Variants in PLPPR4 observed in about 807,000 individuals in gnomAD.
PLPPR4 encodes the protein phospholipid phosphatase related 4.
In PLPPR4, 24 loss-of-function variants were observed where a neutral mutation model predicts 56.6. That is an observed-to-expected ratio of 0.42 (90% CI 0.31 to 0.60). The LOEUF is 0.60. Among genes scored for constraint, PLPPR4 ranks in the 20% least tolerant of loss-of-function variants. The pLI is 0.13. For missense variants in PLPPR4, 654 were observed against 885.8 expected, an observed-to-expected ratio of 0.74 and a Z score of 3.32; for synonymous variants, 326 against 328.1, an observed-to-expected ratio of 0.99 and a Z score of 0.07.
Position 99,301,822 on chromosome 1 carries a change from G to A in PLPPR4, c.747G>A (p.Arg249=), listed in dbSNP as rs141745500. ...GTGGAATAATCTGCGGGCTAACACG[G>A]ATAACTCAGTATAAGAACCACCCAG... The part of the protein sequence containing the change: ...IICGIICGLT[R]ITQYKNHPVD... Residue 249 remains arginine, a synonymous_variant, in exon 6 of 7, where the codon CGG becomes CGA. Coordinates refer to ENST00000370185, the MANE Select transcript of PLPPR4 (RefSeq NM_014839.5). 43 of 1,612,688 alleles carry A rather than the reference G, an allele frequency of 2.7e-5. No homozygotes were observed. The African/African-American group carries it at 5.2e-4, about 20-fold the overall frequency.
chr1:99,307,225 A>T lies in PLPPR4; in HGVS notation c.*215A>T. ...GCAAGAACCTAACTAACGTGATGAT[A>T]TGAAGAGTTTTCTTAAGACCTGTCG... On this transcript the variant is annotated 3_prime_UTR_variant, in exon 7 of 7. Coordinates refer to ENST00000370185, the MANE Select transcript of PLPPR4 (RefSeq NM_014839.5). The T allele has an allele frequency of 5.6e-6, 3 of 533,704 alleles. No homozygotes were observed. The highest frequency in any genetic ancestry group is 9.6e-6 in the Non-Finnish European group (3 of 312,280). The allele number at this position is 533,704 out of a possible 1,614,324, so 33.1% of individuals were successfully genotyped here. A position where few individuals can be genotyped will look rare whatever the true frequency, so the allele number is the denominator to read the frequency against.
At chr1:99,291,964 TTA>T (rs545508213) in intron 2 of PLPPR4, among the ~76,000 whole-genome samples, 1 of 151,836 alleles carries the variant, frequency 6.6e-6, no homozygotes, top group South Asian at 2.1e-4. Context: ...TATATAAATT[TTA>T]TATATATAGA....
intron 1 of PLPPR4, among the ~76,000 whole-genome samples, chr1:99,275,963 G>A (rs2100788195): frequency 6.6e-6 from 1 of 152,140 alleles, no homozygotes; most frequent in South Asian, 2.1e-4. Context: ...AAGGACTGAC[G>A]TTTTCCAGTA....
intron 1 of PLPPR4, among the ~76,000 whole-genome samples, chr1:99,269,489 A>G (rs917150171): frequency 2.0e-5 from 3 of 152,240 alleles, no homozygotes; most frequent in Admixed American, 6.5e-5. Context: ...CACTTCCTTT[A>G]TGCAAAGAAT....
chr1:99,305,039 T>C (rs191903803), intron 6 of PLPPR4, among the ~76,000 whole-genome samples: 3 of 152,290 alleles, frequency 2.0e-5, no homozygotes, highest in Non-Finnish European at 4.4e-5. Context: ...ATTGATCAAA[T>C]AGTATTTCCC....
chr1:99,300,803 C>A, intron 4 of PLPPR4, 106 bp from the exon 5 acceptor site: 2 of 812,558 alleles, frequency 2.5e-6, no homozygotes, highest in South Asian at 1.5e-5. Context: ...TTGCTTATTG[C>A]CTTGTGACTT....
intron 1 of PLPPR4, among the ~76,000 whole-genome samples, chr1:99,280,383 T>C (rs900812260): frequency 6.6e-6 from 1 of 152,238 alleles, no homozygotes; most frequent in Non-Finnish European, 1.5e-5. Context: ...ATCTGGCACC[T>C]AAGTCCTCAA....
intron 1 of PLPPR4, among the ~76,000 whole-genome samples, chr1:99,269,509 C>G (rs943014946): frequency 6.6e-6 from 1 of 152,220 alleles, no homozygotes; most frequent in Non-Finnish European, 1.5e-5. Flanking sequence ...TTACAGTGGT[C>G]CCTCTGGGGC....
In PLPPR4 at chr1:99,282,890, C is replaced by A. The variant is rs150886672; in HGVS notation, c.79-5075C>A. On this transcript the variant is annotated intron_variant, in intron 1 of 6. Coordinates refer to ENST00000370185, the MANE Select transcript of PLPPR4 (RefSeq NM_014839.5). ...AATTCAGGCACTTAATTACACAGCCCTCTTCTTTATAGTATGTGTTCTTTC... is the reference window on the plus strand; with the variant it reads ...AATTCAGGCACTTAATTACACAGCCATCTTCTTTATAGTATGTGTTCTTTC... Among the ~76,000 whole-genome samples, 107 of 150,206 alleles carry A rather than the reference C, an allele frequency of 7.1e-4. 1 individual carries two copies. In the Middle Eastern group the frequency reaches 0.011, roughly 15 times the overall value.
Position 99,306,361 on chromosome 1 carries a change from C to A in PLPPR4, c.1499C>A (p.Pro500His), listed in dbSNP as rs1440915990. 6.2e-7 allele frequency: 1 copy of A among 1,614,142 alleles called. No homozygotes were observed. Among genetic ancestry groups the A allele is most frequent in the Non-Finnish European group, 8.5e-7 (1 of 1,180,032 alleles). ...ACTCAGGAAAACATAAGCACCTCCC[C>A]CAAAAGCAGCTCTGCTCGGGCCAAG... is the stretch of plus-strand genomic sequence containing the variant. ...EETQENISTS[P>H]KSSSARAKWL... Residue 500 changes from proline (P) to histidine (H), a missense_variant, in exon 7 of 7, where the codon CCC (proline) becomes CAC (histidine). Pro to His is a moderately conservative substitution (Grantham distance 77). Transcript: ENST00000370185. The surrounding 1 kb of genome is among the most constrained non-coding windows in gnomAD (Gnocchi z 4.0).
chr1:99,288,267 T>A, intron 2 of PLPPR4, 117 bp downstream of exon 2: 2 of 846,568 alleles, frequency 2.4e-6, no homozygotes, highest in Non-Finnish European at 3.6e-6. Flanking sequence ...TAAATCAAAG[T>A]CATGTCTTTG....
At chr1:99,265,151 C>CG (rs1453427329) in intron 1 of PLPPR4, among the ~76,000 whole-genome samples, 1 of 148,216 alleles carries the variant, frequency 6.7e-6, no homozygotes, top group Non-Finnish European at 1.5e-5. Flanking sequence ...CCTGCCCCCC[C>CG]CCCCCAAATC....
intron 1 of PLPPR4, among the ~76,000 whole-genome samples, chr1:99,269,313 T>G (rs1169068015): frequency 6.6e-6 from 1 of 152,278 alleles, no homozygotes; most frequent in East Asian, 1.9e-4. Context: ...ATTTTCTTTA[T>G]CCAGAATATC....
chr1:99,288,178 A>T (rs370787499), intron 2 of PLPPR4, 28 bp downstream of exon 2: 3 of 1,605,736 alleles, frequency 1.9e-6, no homozygotes, highest in East Asian at 2.2e-5. Flanking sequence ...AATTGTGTTT[A>T]TCTGTCCTGG....
intron 1 of PLPPR4, among the ~76,000 whole-genome samples, chr1:99,267,265 A>T (rs953898860): frequency 6.6e-6 from 1 of 152,238 alleles, no homozygotes; most frequent in African/African-American, 2.4e-5. Flanking sequence ...ATGTGAAGAA[A>T]CTTTAATTGG....
At chr1:99,280,605 G>A (rs1659298875) in intron 1 of PLPPR4, among the ~76,000 whole-genome samples, 1 of 152,156 alleles carries the variant, frequency 6.6e-6, no homozygotes. Flanking sequence ...CAGACTAACA[G>A]ATCCTTCGAT....
intron 1 of PLPPR4, among the ~76,000 whole-genome samples, chr1:99,286,273 A>G (rs1453795137): frequency 6.6e-6 from 1 of 152,220 alleles, no homozygotes; most frequent in Non-Finnish European, 1.5e-5. Context: ...TAACTCTGTT[A>G]ACTCTAGTCT....
chr1:99,263,819 C>T (rs917889495), upstream of PLPPR4: 2 of 152,204 alleles, frequency 1.3e-5, no homozygotes, highest in African/African-American at 2.4e-5. Context: ...ATGCCCATTA[C>T]CTGTGCATTC....
chr1:99,277,999 T>A (rs1659234056), intron 1 of PLPPR4, among the ~76,000 whole-genome samples: 1 of 152,184 alleles, frequency 6.6e-6, no homozygotes, highest in Non-Finnish European at 1.5e-5. Context: ...ATTAAGATCT[T>A]ACCTTTTTAG....
Sources: allele counts gnomAD v4.1 joint callset (sites outside exome capture counted in the v4.1 genomes callset), GRCh38; gene constraint gnomAD v4.1.1; non-coding constraint Gnocchi (gnomAD v3.1); transcripts MANE v1.5; gene names NCBI Gene and HGNC (gene_info 2026-07-23, HGNC 2026-07-21).